Variants in RETN observed in about 807,000 individuals in gnomAD.
The protein encoded by RETN is C/EBP-epsilon regulated myeloid-specific secreted cysteine-rich protein precursor 1.
A neutral mutation model predicts 6.1 loss-of-function variants in RETN; 5 were observed. That is an observed-to-expected ratio of 0.82 (90% CI 0.43 to 1.73). The LOEUF (loss-of-function observed/expected upper bound fraction) is 1.73. Ranked by LOEUF, RETN falls within the 40% of genes most tolerant of loss-of-function variation. RETN has a pLI of 0.02. For synonymous variants in RETN, 62 were observed against 59.2 expected (o/e 1.05, Z -0.22); for missense variants, 168 against 142.5 (o/e 1.18, Z -0.91).
rs766229984 is a variant in RETN, at chr19:7,670,337, T to G, written c.315T>G (p.Arg105=). 1 of 1,555,852 alleles carries G rather than the reference T, an allele frequency of 6.4e-7. No individual in the cohort carries two copies. Among genetic ancestry groups the G allele is most frequent in the African/African-American group, 1.4e-5 (1 of 73,862 alleles). ...ACTGGACCGGAGCGCGCTGCTGTCG[T>G]GTGCAGCCCTGAGGTCGCGCGCAGC... ...GMDWTGARCC[R]VQP is the part of the protein sequence containing the mutation. Residue 105 remains arginine (R), a synonymous_variant, in exon 4 of 4, where the codon CGT becomes CGG. Coordinates refer to ENST00000221515, the MANE Select transcript of RETN (RefSeq NM_020415.4).
chr19:7,669,387 C>CT lies in RETN; in HGVS notation c.62dup (p.Cys22ValfsTer9). ...GGGGCTGTTGGTGTCTAGCAAGACC[C>CT]TGTGCTCCATGGAAGAAGCCATCAA... is the stretch of plus-strand genomic sequence containing the variant. On this transcript the variant is annotated frameshift_variant, in exon 2 of 4. Transcript: ENST00000221515. LOFTEE classifies it high-confidence loss of function. 6.2e-7 allele frequency: 1 copy of CT among 1,614,042 alleles called. No homozygotes were observed. Among genetic ancestry groups the CT allele is most frequent in the Non-Finnish European group, 8.5e-7 (1 of 1,179,992 alleles).
At chr19:7,669,769 G>A in intron 2 of RETN, 52 bp from the exon 3 acceptor site, 2 of 1,530,936 alleles carry the variant, frequency 1.3e-6, no homozygotes, top group Non-Finnish European at 1.8e-6. Flanking sequence ...GGATGGGGGA[G>A]GGACCGTTTG....
chr19:7,669,978 C>G (rs2032468901), intron 3 of RETN, 80 bp downstream of exon 3: 2 of 1,127,674 alleles, frequency 1.8e-6, no homozygotes, highest in Non-Finnish European at 2.7e-6. Flanking sequence ...CCACGTTCCC[C>G]GTGTCCAGCC....
In RETN at chr19:7,670,244, T is replaced by G. The variant is rs532089804; in HGVS notation, c.222T>G (p.Cys74Trp). The G allele has an allele frequency of 1.1e-5, 17 of 1,603,686 alleles. No individual in the cohort carries two copies. In the East Asian group the frequency reaches 3.8e-4, roughly 36 times the overall value. Residue 74 changes from cysteine to tryptophan, a missense_variant, in exon 4 of 4, where the codon TGT becomes TGG. Cys to Trp is a radical substitution (Grantham distance 215, BLOSUM62 -2). Transcript: ENST00000221515. ...GCTTCGCCGTCACCGGCTGCACTTGTGGCTCCGCCTGTGGCTCGTGGGATG... is the reference window on the plus strand; with the variant it reads ...GCTTCGCCGTCACCGGCTGCACTTGGGGCTCCGCCTGTGGCTCGTGGGATG... ...PRGFAVTGCT[C>W]GSACGSWDVR...
Position 7,669,457 on chromosome 19 carries a change from C to T in RETN, c.118+13C>T, listed in dbSNP as rs762278595. Reference sequence around the variant, plus strand: ...GCCGGCTCCCTAAGTGAGGACCCCCCACTTGGGCAAGCTCCCCAAGGGTCT... The same window carrying T: ...GCCGGCTCCCTAAGTGAGGACCCCCTACTTGGGCAAGCTCCCCAAGGGTCT... On this transcript the variant is annotated intron_variant, in intron 2 of 3. Transcript: ENST00000221515. 6.3e-6 allele frequency: 10 copies of T among 1,588,592 alleles called. No homozygotes were observed. Among genetic ancestry groups the T allele is most frequent in the Admixed American group, 3.3e-5 (2 of 59,970 alleles).
At chr19:7,670,432 A>AGAT (rs3833230) in exon 4 of RETN, 20 of 1,143,124 alleles carry the variant, frequency 1.7e-5, no homozygotes, top group Middle Eastern at 5.8e-4. Flanking sequence ...ATAAACCTGG[A>AGAT]GATGATGATG....
chr19:7,669,823 T>C lies in RETN; in HGVS notation c.121T>C (p.Phe41Leu), dbSNP rs748336655. 6.2e-7 allele frequency: 1 copy of C among 1,613,966 alleles called. No individual in the cohort carries two copies. The highest frequency in any genetic ancestry group is 8.5e-7 in the Non-Finnish European group (1 of 1,179,896). Reference protein sequence around the residue: ...RIQEVAGSLIFRAISSIGLEC... With the variant: ...RIQEVAGSLILRAISSIGLEC... ...TCTCCTTTCCTCCTGCCCCCCAGTATTTAGGGCAATAAGCAGCATTGGCCT... is the reference window on the plus strand; with the variant it reads ...TCTCCTTTCCTCCTGCCCCCCAGTACTTAGGGCAATAAGCAGCATTGGCCT... Residue 41 changes from phenylalanine to leucine, a missense_variant and splice_region_variant, in exon 3 of 4, where the codon TTT (phenylalanine) becomes CTT (leucine). Transcript: ENST00000221515.
At chr19:7,670,133 A>ACCCCCCC in intron 3 of RETN, 86 bp from the exon 4 acceptor site, 1 of 276,604 alleles carries the variant, frequency 3.6e-6, no homozygotes, top group Non-Finnish European at 6.2e-6. Context: ...CGCCCCCCCA[A>ACCCCCCC]CCCCCCTCCG....
Position 7,669,313 on chromosome 19 carries a change from T to C in RETN, c.-10-4T>C. On this transcript the variant is annotated splice_polypyrimidine_tract_variant and splice_region_variant and intron_variant, in intron 1 of 3. Transcript: ENST00000221515. ...GCTGTGGGTCTCTTGGTTCCCTCTT[T>C]CAGCGCCTGCAGGATGAAAGCTCTC... The C allele has an allele frequency of 6.2e-7, 1 of 1,604,364 alleles. No individual in the cohort carries two copies. Among genetic ancestry groups the C allele is most frequent in the Non-Finnish European group, 8.5e-7 (1 of 1,171,250 alleles).
chr19:7,669,421 T>C lies in RETN; in HGVS notation c.95T>C (p.Ile32Thr). 1 of 1,613,764 alleles carries C rather than the reference T, an allele frequency of 6.2e-7. No individual in the cohort carries two copies. The highest frequency in any genetic ancestry group is 1.1e-5 in the South Asian group (1 of 91,066). Residue 32 changes from isoleucine to threonine, a missense_variant, in exon 2 of 4, where the codon ATC (isoleucine) becomes ACC (threonine). Ile to Thr is a moderately conservative substitution (Grantham distance 89). Coordinates refer to ENST00000221515, the MANE Select transcript of RETN (RefSeq NM_020415.4). ...ATGGAAGAAGCCATCAATGAGAGGA[T>C]CCAGGAGGTCGCCGGCTCCCTAAGT... ...CSMEEAINER[I>T]QEVAGSLIFR...
intron 3 of RETN, 56 bp downstream of exon 3, chr19:7,669,954 AT>A: frequency 7.5e-7 from 1 of 1,336,790 alleles, no homozygotes; most frequent in Non-Finnish European, 1.1e-6. Flanking sequence ...TCCCCTGGGA[AT>A]GCCCCCTCCC....
At chr19:7,670,011 C>A in intron 3 of RETN, 113 bp downstream of exon 3, 1 of 987,894 alleles carries the variant, frequency 1.0e-6, no homozygotes, top group Middle Eastern at 2.9e-4. Context: ...GGATCTTGGT[C>A]CTGACTCCCA....
intron 2 of RETN, 122 bp from the exon 3 acceptor site, chr19:7,669,698 TG>T (rs1447178640): frequency 2.3e-6 from 2 of 857,020 alleles, no homozygotes; most frequent in East Asian, 5.2e-5. Context: ...GACAGGGTCC[TG>T]GAGGCCAGTG....
chr19:7,669,921 C>T, intron 3 of RETN, 23 bp downstream of exon 3: 1 of 1,603,568 alleles, frequency 6.2e-7, no homozygotes, highest in Non-Finnish European at 8.5e-7. Flanking sequence ...GACTGTTGTC[C>T]AGGCGCCCAT....
chr19:7,670,275 G>C lies in RETN; in HGVS notation c.253G>C (p.Ala85Pro). ...CGCCTGTGGCTCGTGGGATGTGCGC[G>C]CCGAGACCACATGTCACTGCCAGTG... Reference protein sequence around the residue: ...GSACGSWDVRAETTCHCQCAG... With the variant: ...GSACGSWDVRPETTCHCQCAG... Residue 85 changes from alanine (A) to proline (P), a missense_variant, in exon 4 of 4, where the codon GCC becomes CCC. Ala to Pro is a conservative substitution (Grantham distance 27). Transcript: ENST00000221515. 1 of 1,595,718 alleles carries C rather than the reference G, an allele frequency of 6.3e-7. No homozygotes were observed. The highest frequency in any genetic ancestry group is 8.5e-7 in the Non-Finnish European group (1 of 1,176,140).
rs372142945 is a variant in RETN at position 7,669,432 on chromosome 19, G to T, written c.106G>T (p.Ala36Ser). ...CATCAATGAGAGGATCCAGGAGGTCGCCGGCTCCCTAAGTGAGGACCCCCC... is the reference window on the plus strand; with the variant it reads ...CATCAATGAGAGGATCCAGGAGGTCTCCGGCTCCCTAAGTGAGGACCCCCC... ...EAINERIQEV[A>S]GSLIFRAISS... is the part of the protein sequence containing the mutation. The change falls in exon 2 of 4, where the codon GCC (alanine) becomes TCC (serine). Residue 36 changes from alanine to serine, a missense_variant. Coordinates refer to ENST00000221515, the MANE Select transcript of RETN (RefSeq NM_020415.4). 1 of 1,613,216 alleles carries T rather than the reference G, an allele frequency of 6.2e-7. No individual in the cohort carries two copies. Among genetic ancestry groups the T allele is most frequent in the East Asian group, 2.2e-5 (1 of 44,860 alleles).
At position 7,670,400 on chromosome 19, in the gene RETN, A is replaced by C. The variant is rs750686523; in HGVS notation, c.*51A>C. The C allele has an allele frequency of 1.8e-5, 28 of 1,521,220 alleles. No individual in the cohort carries two copies. In the Admixed American group the frequency reaches 5.6e-4, roughly 31 times the overall value. 94.2% of individuals were successfully genotyped at this position (1,521,220 alleles called of 1,614,324 possible). ...CGGGCGGAGGCGGCTCCAGGTCCGG[A>C]GGGGTTGCGGGGGAGCTGGAAATAA... On this transcript the variant is annotated 3_prime_UTR_variant, in exon 4 of 4. Transcript: ENST00000221515.
Position 7,670,450 on chromosome 19 carries a change from TG to T in RETN, c.*102del. 8.0e-7 allele frequency: 1 copy of T among 1,245,046 alleles called. No individual in the cohort carries two copies. Among genetic ancestry groups the T allele is most frequent in the Non-Finnish European group, 1.1e-6 (1 of 905,330 alleles). 77.1% of individuals were successfully genotyped at this position (1,245,046 alleles called of 1,614,324 possible). A position where few individuals can be genotyped will look rare whatever the true frequency, so the allele number is the denominator to read the frequency against. The stretch of plus-strand genomic sequence containing the variant: ...AACCTGGAGATGATGATGATGATGA[TG>T]ATGATGATGATGGAGCGGATCTGAG... On this transcript the variant is annotated 3_prime_UTR_variant, in exon 4 of 4. Transcript: ENST00000221515.
At chr19:7,669,288 G>T (rs2032449888) in intron 1 of RETN, 29 bp from the exon 2 acceptor site, 2 of 1,498,772 alleles carry the variant, frequency 1.3e-6, no homozygotes, top group Non-Finnish European at 1.9e-6. Context: ...GGCTGATCCA[G>T]CTGTGGGTCT....
Sources: gnomAD v4.1 joint callset for allele counts on GRCh38, gnomAD v4.1.1 for gene constraint, MANE v1.5 for transcripts, NCBI Gene and HGNC (gene_info 2026-07-23, HGNC 2026-07-21) for gene names.